Variants in SBK2 observed in about 807,000 individuals in gnomAD.
The protein encoded by SBK2 is serine/threonine-protein kinase SBK2.
SBK2 carries 18 observed loss-of-function variants against 15.9 expected under a neutral mutation model. That is an observed-to-expected ratio of 1.13 (90% CI 0.78 to 1.68). The LOEUF (loss-of-function observed/expected upper bound fraction) is 1.68, where lower values mean the gene tolerates loss of function less well. Among genes scored for constraint, SBK2 ranks in the 40% most tolerant of loss-of-function variants. The pLI, the probability that SBK2 is intolerant of heterozygous loss-of-function variation, is 0.00. For missense variants in SBK2, 581 were observed against 510.9 expected, an observed-to-expected ratio of 1.14 and a Z score of -1.32; for synonymous variants, 284 against 246.8, an observed-to-expected ratio of 1.15 and a Z score of -1.41.
chr19:55,531,539 G>T (rs1015684148), intron 2 of SBK2, among the ~76,000 whole-genome samples, 194 bp from the exon 3 acceptor site: 1 of 152,218 alleles, frequency 6.6e-6, no homozygotes, highest in African/African-American at 2.4e-5. Flanking sequence ...ATCACCAGCG[G>T]TACCAATAGT....
At chr19:55,533,106 G>A (rs1356972629) in intron 2 of SBK2, among the ~76,000 whole-genome samples, 4 of 152,082 alleles carry the variant, frequency 2.6e-5, no homozygotes, top group African/African-American at 7.2e-5. Context: ...CAAGGTGGGC[G>A]GATCACTTGA....
chr19:55,529,919 C>A lies in SBK2; in HGVS notation c.861G>T (p.Arg287=). 1 of 1,534,032 alleles carries A rather than the reference C, an allele frequency of 6.5e-7. No homozygotes were observed. The highest frequency in any genetic ancestry group is 1.2e-5 in the South Asian group (1 of 81,832). The change falls in exon 4 of 4, where the codon CGG becomes CGT. Residue 287 remains arginine (R), a synonymous_variant. Transcript: ENST00000413299. ...FLIWQASGQP[R]DRPQPWFGLA... ...GGCCGAACCAGGGCTGAGGGCGGTC[C>A]CGGGGCTGGCCCGACGCCTGCCAGA... is the stretch of plus-strand genomic sequence containing the variant.
chr19:55,532,837 T>A (rs1305744583), intron 2 of SBK2, among the ~76,000 whole-genome samples: 3 of 152,112 alleles, frequency 2.0e-5, no homozygotes, highest in East Asian at 1.9e-4. Context: ...TTAAAAAAAA[T>A]TTGTAGAGAC....
chr19:55,531,007 C>A, intron 3 of SBK2, 136 bp downstream of exon 3: 2 of 751,466 alleles, frequency 2.7e-6, no homozygotes, highest in South Asian at 3.4e-5. Flanking sequence ...GTGGGCCCCA[C>A]GAGGGGCCTC....
At chr19:55,531,761 T>G (rs943744731) in intron 2 of SBK2, among the ~76,000 whole-genome samples, 45 of 152,274 alleles carry the variant, frequency 3.0e-4, no homozygotes, top group African/African-American at 1.1e-3. Flanking sequence ...GTGGATTGCT[T>G]GATGTCAGGA....
chr19:55,528,861 G>C lies in SBK2; in HGVS notation c.*872C>G, dbSNP rs1988173511. On this transcript the variant is annotated 3_prime_UTR_variant, in exon 4 of 4. Transcript: ENST00000413299. ...CTGTCAGCAGACGGAAGGCGGCAAAGACCCCCGACTCCAGGAGCTCACAAA... is the reference window on the plus strand; with the variant it reads ...CTGTCAGCAGACGGAAGGCGGCAAACACCCCCGACTCCAGGAGCTCACAAA... Among the ~76,000 whole-genome samples the C allele has an allele frequency of 6.6e-6, 1 of 152,166 alleles. No homozygotes were observed. Among genetic ancestry groups the C allele is most frequent in the Admixed American group, 6.5e-5 (1 of 15,278 alleles).
At chr19:55,532,690 T>G (rs1261761243) in intron 2 of SBK2, among the ~76,000 whole-genome samples, 1 of 145,410 alleles carries the variant, frequency 6.9e-6, no homozygotes, top group Non-Finnish European at 1.5e-5. Context: ...AACCTCCGCC[T>G]CCCGGGCTCA....
Position 55,529,017 on chromosome 19 carries a change from C to G in SBK2, c.*716G>C, listed in dbSNP as rs1016804269. ...CTGTAATCCCAGCACTGCGGGAGGC[C>G]GAGGTGGGAGACTCGCTCCAGGCCA... On this transcript the variant is annotated 3_prime_UTR_variant, in exon 4 of 4. Transcript: ENST00000413299. Among the ~76,000 whole-genome samples, 1 of 152,204 alleles carries G rather than the reference C, an allele frequency of 6.6e-6. No homozygotes were observed. Among genetic ancestry groups the G allele is most frequent in the Admixed American group, 6.5e-5 (1 of 15,284 alleles).
Position 55,529,777 on chromosome 19 carries a change from C to T in SBK2, c.1003G>A (p.Glu335Lys), listed in dbSNP as rs553624707. The change falls in exon 4 of 4, where the codon GAG becomes AAG. Residue 335 changes from glutamate to lysine, a missense_variant. Coordinates refer to ENST00000413299, the MANE Select transcript of SBK2 (RefSeq NM_001370096.2). The stretch of plus-strand genomic sequence containing the variant: ...TCCACCGCTCCCACTGCCTCCGCCT[C>T]GCCCTCCCGCTGCCTCCAGGGGCGC... ...LGRPWRQREG[E>K]AEAVGAVEEE... 4 of 1,603,518 alleles carry T rather than the reference C, an allele frequency of 2.5e-6. No individual in the cohort carries two copies. Among genetic ancestry groups the T allele is most frequent in the East Asian group, 2.2e-5 (1 of 44,842 alleles).
In SBK2 at chr19:55,536,023, T is replaced by C; in HGVS notation, c.253+19A>G. Reference sequence around the variant, plus strand: ...GCCCCCAGCTGAACCCTGCCACCTCTGGCCCCACAGCCTCGTACCTTTCTG... The same window carrying C: ...GCCCCCAGCTGAACCCTGCCACCTCCGGCCCCACAGCCTCGTACCTTTCTG... On this transcript the variant is annotated intron_variant, in intron 2 of 3. Coordinates refer to ENST00000413299, the MANE Select transcript of SBK2 (RefSeq NM_001370096.2). The C allele has an allele frequency of 7.0e-7, 1 of 1,433,182 alleles. No individual in the cohort carries two copies. The highest frequency in any genetic ancestry group is 1.6e-5 in the South Asian group (1 of 62,854). The allele number at this position is 1,433,182 out of a possible 1,614,324, so 88.8% of individuals were successfully genotyped here.
chr19:55,531,947 C>T (rs1176981072), intron 2 of SBK2, among the ~76,000 whole-genome samples: 1 of 145,614 alleles, frequency 6.9e-6, no homozygotes, highest in Non-Finnish European at 1.5e-5. Context: ...CCACTGCACT[C>T]CAGCCTGGGG....
chr19:55,530,258 G>T lies in SBK2; in HGVS notation c.522C>A (p.Ile174=). The T allele has an allele frequency of 6.6e-7, 1 of 1,506,366 alleles. No homozygotes were observed. The highest frequency in any genetic ancestry group is 8.9e-7 in the Non-Finnish European group (1 of 1,127,862). 93.3% of individuals were successfully genotyped at this position (1,506,366 alleles called of 1,614,324 possible). A position where few individuals can be genotyped will look rare whatever the true frequency, so the allele number is the denominator to read the frequency against. Reference sequence around the variant, plus strand: ...CCCGGTACACCAGGCCGCGGGCGTGGATGTACTCCAGGGCGGAGGCCAGCT... The same window carrying T: ...CCCGGTACACCAGGCCGCGGGCGTGTATGTACTCCAGGGCGGAGGCCAGCT... ...AAQLASALEY[I]HARGLVYRDL... is the part of the protein sequence containing the mutation. Residue 174 remains isoleucine, a synonymous_variant, in exon 4 of 4, where the codon ATC becomes ATA. Transcript: ENST00000413299.
chr19:55,530,942 G>T (rs1419140884), intron 3 of SBK2, among the ~76,000 whole-genome samples: 1 of 152,142 alleles, frequency 6.6e-6, no homozygotes, highest in African/African-American at 2.4e-5. Context: ...GGTGTATCGT[G>T]TGAGTTCTGT....
At position 55,531,184 on chromosome 19, in the gene SBK2, G is replaced by A. The variant is rs761501652; in HGVS notation, c.415C>T (p.Pro139Ser). ...SAHSYSFLTE[P>S]VLHGDLMAFI... ...GCCATGAGGTCCCCGTGCAGGACGG[G>A]CTCCGTCAGGAAGCTGTAGGAGTGT... The change falls in exon 3 of 4, where the codon CCC becomes TCC. Residue 139 changes from proline to serine, a missense_variant. By Grantham distance (74) the Pro-to-Ser change is moderately conservative. Transcript: ENST00000413299. The A allele has an allele frequency of 5.0e-6, 8 of 1,612,902 alleles. No homozygotes were observed. In the South Asian group the frequency reaches 8.8e-5, roughly 18 times the overall value.
At position 55,529,700 on chromosome 19, in the gene SBK2, G is replaced by A. The variant is rs1335568733; in HGVS notation, c.*33C>T. The stretch of plus-strand genomic sequence containing the variant: ...GTTGGCCTTGGGGGCCTCGGGTGGG[G>A]CGGCTTCCCTTTCTGCATCCCCCGG... On this transcript the variant is annotated 3_prime_UTR_variant, in exon 4 of 4. Transcript: ENST00000413299. 4 of 1,588,844 alleles carry A rather than the reference G, an allele frequency of 2.5e-6. No homozygotes were observed. Among genetic ancestry groups the A allele is most frequent in the South Asian group, 1.1e-5 (1 of 89,900 alleles).
rs748771454 is a variant in SBK2 at position 55,529,727 on chromosome 19, G to A, written c.*6C>T. Reference sequence around the variant, plus strand: ...GGCTTCCCTTTCTGCATCCCCCGGGGCCTCCTCACTGCCCAGCCTCCTCTT... The same window carrying A: ...GGCTTCCCTTTCTGCATCCCCCGGGACCTCCTCACTGCCCAGCCTCCTCTT... On this transcript the variant is annotated 3_prime_UTR_variant, in exon 4 of 4. Transcript: ENST00000413299. 2 of 1,598,600 alleles carry A rather than the reference G, an allele frequency of 1.3e-6. No homozygotes were observed. Among genetic ancestry groups the A allele is most frequent in the South Asian group, 1.1e-5 (1 of 90,934 alleles).
In SBK2 at chr19:55,536,069, C is replaced by A. The variant is rs750084377; in HGVS notation, c.226G>T (p.Val76Phe). Reference protein sequence around the residue: ...RPLGQGCYGRVLLVTHRQKGT... With the variant: ...RPLGQGCYGRFLLVTHRQKGT... Reference sequence around the variant, plus strand: ...TTCTGACGATGGGTGACCAGAAGGACGCGGCCATAGCAACCCTGGCCCAGG... The same window carrying A: ...TTCTGACGATGGGTGACCAGAAGGAAGCGGCCATAGCAACCCTGGCCCAGG... Residue 76 changes from valine to phenylalanine, a missense_variant, in exon 2 of 4, where the codon GTC (valine) becomes TTC (phenylalanine). Transcript: ENST00000413299. The A allele has an allele frequency of 6.7e-7, 1 of 1,495,276 alleles. No homozygotes were observed. The highest frequency in any genetic ancestry group is 9.0e-7 in the Non-Finnish European group (1 of 1,115,652). 92.6% of individuals were successfully genotyped at this position (1,495,276 alleles called of 1,614,324 possible).
chr19:55,534,704 CAAAAAAA>C (rs35461460), intron 2 of SBK2, among the ~76,000 whole-genome samples: 4 of 82,596 alleles, frequency 4.8e-5, no homozygotes, highest in Non-Finnish European at 2.1e-5. Flanking sequence ...GACCCTGTCT[CAAAAAAA>C]AAAAAAAAAG....
chr19:55,534,133 T>A (rs1450063506), intron 2 of SBK2, among the ~76,000 whole-genome samples: 1 of 152,204 alleles, frequency 6.6e-6, no homozygotes, highest in Non-Finnish European at 1.5e-5. Flanking sequence ...AAAACTCGTA[T>A]GTGGGAGTCC....
Sources: gnomAD v4.1 joint callset for allele counts (sites outside exome capture counted in the v4.1 genomes callset) on GRCh38, gnomAD v4.1.1 for gene constraint, MANE v1.5 for transcripts, NCBI Gene and HGNC (gene_info 2026-07-23, HGNC 2026-07-21) for gene names.